Variants in LCORL observed in about 807,000 individuals in gnomAD.
The protein encoded by LCORL is ligand dependent nuclear receptor corepressor like, also known as ligand-dependent nuclear receptor corepressor-like protein.
LCORL carries 41 observed loss-of-function variants against 141.8 expected under a neutral mutation model. The ratio of observed to expected loss-of-function variants is 0.29; its 90% CI spans 0.23 to 0.38. The LOEUF is 0.38. LCORL is among the 10% of genes least tolerant of loss of function. The pLI, the probability that LCORL is intolerant of heterozygous loss-of-function variation, is 1.00. For missense variants in LCORL, 1,759 were observed against 2,035.0 expected, an observed-to-expected ratio of 0.86 and a Z score of 2.61; for synonymous variants, 618 against 694.1, an observed-to-expected ratio of 0.89 and a Z score of 1.72.
At chr4:17,876,523 C>T (rs1045420110) in exon 7 of LCORL, 20 of 1,230,694 alleles carry the variant, frequency 1.6e-5, no homozygotes, top group African/African-American at 1.1e-4. Flanking sequence ...TTGTTTAGGT[C>T]TATATTGTGT....
intron 1 of LCORL, among the ~76,000 whole-genome samples, chr4:17,976,715 A>G (rs1001665752): frequency 6.6e-6 from 1 of 152,120 alleles, no homozygotes; most frequent in Non-Finnish European, 1.5e-5. Flanking sequence ...ATTTGTCTCA[A>G]TTTTTTAAAA....
At chr4:17,997,612 T>A (rs954678349) in intron 1 of LCORL, among the ~76,000 whole-genome samples, 2 of 151,670 alleles carry the variant, frequency 1.3e-5, no homozygotes, top group Non-Finnish European at 2.9e-5. Context: ...AGTCTTCAAA[T>A]TTTTTTTAAA....
chr4:17,875,475 T>C, exon 7 of LCORL: 3 of 1,231,428 alleles, frequency 2.4e-6, no homozygotes, highest in Non-Finnish European at 3.0e-6. Context: ...ATCACCAGCA[T>C]TATTGTTTAA....
intron 2 of LCORL, among the ~76,000 whole-genome samples, chr4:17,966,655 C>T (rs1259755777): frequency 6.6e-6 from 1 of 152,044 alleles, no homozygotes; most frequent in African/African-American, 2.4e-5. Flanking sequence ...ATACATCACC[C>T]AAGAAGATAC....
chr4:17,899,327 C>T (rs1730503832), intron 5 of LCORL, among the ~76,000 whole-genome samples: 1 of 151,954 alleles, frequency 6.6e-6, no homozygotes, highest in African/African-American at 2.4e-5. Flanking sequence ...TAAGGGGATA[C>T]TCTAGCTAAG....
intron 1 of LCORL, among the ~76,000 whole-genome samples, chr4:17,973,159 T>C (rs1246674998): frequency 6.6e-6 from 1 of 151,848 alleles, no homozygotes; most frequent in Admixed American, 6.6e-5. Context: ...TATTCCTGGG[T>C]AAAATATTAT....
chr4:17,999,013 T>C (rs77839673), intron 1 of LCORL, among the ~76,000 whole-genome samples: 997 of 38,842 alleles, frequency 0.026, 9 homozygotes, highest in Non-Finnish European at 0.057. Flanking sequence ...TACACACATA[T>C]ATATATATAT....
intron 6 of LCORL, among the ~76,000 whole-genome samples, chr4:17,879,551 T>C (rs566903705): frequency 7.9e-5 from 12 of 151,122 alleles, no homozygotes; most frequent in Non-Finnish European, 1.6e-4. Context: ...CCTTTCCTTT[T>C]TGAAAATAAT....
intron 4 of LCORL, among the ~76,000 whole-genome samples, chr4:17,918,854 C>T (rs978508770): frequency 6.6e-6 from 1 of 151,986 alleles, no homozygotes; most frequent in Admixed American, 6.6e-5. Context: ...ATCTAAGAAG[C>T]TCAACAAATG....
chr4:17,926,321 C>T (rs1735139895), intron 4 of LCORL, among the ~76,000 whole-genome samples: 2 of 152,164 alleles, frequency 1.3e-5, no homozygotes, highest in Non-Finnish European at 2.9e-5. Flanking sequence ...TGGTGGGCAC[C>T]ATATAATCAG....
chr4:18,008,852 G>A (rs974546296), intron 1 of LCORL, among the ~76,000 whole-genome samples: 4 of 152,078 alleles, frequency 2.6e-5, no homozygotes, highest in African/African-American at 9.7e-5. Flanking sequence ...TAATGACACT[G>A]TTTTTAAATA....
Position 17,881,107 on chromosome 4 carries a change from T to C in LCORL, c.777-2894A>G, listed in dbSNP as rs992435017. On this transcript the variant is annotated intron_variant, in intron 6 of 7. Coordinates refer to ENST00000635767, the Ensembl canonical transcript of LCORL. Reference sequence around the variant, plus strand: ...GCTACCAGAAATGGTTTAAACAACTTTACTGAGCAGTAGTTTTCTAAAAAC... The same window carrying C: ...GCTACCAGAAATGGTTTAAACAACTCTACTGAGCAGTAGTTTTCTAAAAAC... 7.1e-6 allele frequency: 7 copies of C among 982,964 alleles called. No homozygotes were observed. In the African/African-American group the frequency reaches 8.8e-5, roughly 12 times the overall value. 60.9% of individuals were successfully genotyped at this position (982,964 alleles called of 1,614,324 possible).
At chr4:18,014,717 T>C (rs1724358310) in intron 1 of LCORL, among the ~76,000 whole-genome samples, 1 of 152,232 alleles carries the variant, frequency 6.6e-6, no homozygotes, top group South Asian at 2.1e-4. Context: ...TATTTTGCTT[T>C]AATTAAGAAC....
At chr4:17,874,976 C>T in exon 7 of LCORL, 4 of 1,233,782 alleles carry the variant, frequency 3.2e-6, no homozygotes, top group Non-Finnish European at 4.0e-6. Context: ...GTAAGAAATG[C>T]AGAGATGGTT....
chr4:17,994,821 T>C (rs958610747), intron 1 of LCORL, among the ~76,000 whole-genome samples: 1 of 151,860 alleles, frequency 6.6e-6, no homozygotes, highest in African/African-American at 2.4e-5. Context: ...ATTTTTTTAT[T>C]TGATAAATGC....
intron 4 of LCORL, among the ~76,000 whole-genome samples, chr4:17,945,365 T>C (rs1193123018): frequency 6.6e-6 from 1 of 151,598 alleles, no homozygotes; most frequent in Non-Finnish European, 1.5e-5. Context: ...TATAAAATAG[T>C]TGAGATGTTG....
intron 5 of LCORL, among the ~76,000 whole-genome samples, 174 bp downstream of exon 5, chr4:17,908,920 G>A (rs1039184911): frequency 6.6e-6 from 1 of 152,068 alleles, no homozygotes; most frequent in South Asian, 2.1e-4. Context: ...TATAAACAAA[G>A]ATGCAAGTAC....
intron 4 of LCORL, among the ~76,000 whole-genome samples, chr4:17,939,399 A>G (rs1304256583): frequency 6.6e-6 from 1 of 152,172 alleles, no homozygotes; most frequent in African/African-American, 2.4e-5. Flanking sequence ...AGATAATATA[A>G]ATAGGTTTTA....
At chr4:17,944,337 C>A (rs1738481885) in intron 4 of LCORL, among the ~76,000 whole-genome samples, 2 of 152,138 alleles carry the variant, frequency 1.3e-5, no homozygotes, top group South Asian at 4.1e-4. Context: ...TATTCACTAT[C>A]CCATTCCACA....
Sources: allele counts gnomAD v4.1 joint callset (sites outside exome capture counted in the v4.1 genomes callset), GRCh38; gene constraint gnomAD v4.1.1; transcripts MANE v1.5; gene names NCBI Gene and HGNC (gene_info 2026-07-23, HGNC 2026-07-21).